MYOZ2: variants seen among roughly 807,000 people sequenced by gnomAD.
MYOZ2 encodes myozenin 2.
MYOZ2 carries 19 observed loss-of-function variants against 25.4 expected under a neutral mutation model. The ratio of observed to expected loss-of-function variants is 0.75; its 90% CI spans 0.52 to 1.10. The LOEUF (loss-of-function observed/expected upper bound fraction) is 1.10, where lower values mean the gene tolerates loss of function less well. MYOZ2 is among the 50% of genes least tolerant of loss of function. The pLI, the probability that MYOZ2 is intolerant of heterozygous loss-of-function variation, is 0.00. For missense variants in MYOZ2, 270 were observed against 317.9 expected (o/e 0.85, Z 1.15); for synonymous variants, 92 against 106.9 (o/e 0.86, Z 0.86).
intron 5 of MYOZ2, among the ~76,000 whole-genome samples, chr4:119,179,817 A>T (rs780362273): frequency 5.9e-5 from 9 of 152,254 alleles, no homozygotes; most frequent in Non-Finnish European, 1.3e-4. Flanking sequence ...GTGTTCTCAC[A>T]TGATGGATGC....
At chr4:119,154,865 A>G (rs923301317) in intron 3 of MYOZ2, among the ~76,000 whole-genome samples, 1 of 131,784 alleles carries the variant, frequency 7.6e-6, no homozygotes, top group African/African-American at 3.2e-5. Context: ...TTACACACAC[A>G]CACACGCACA....
chr4:119,160,997 C>T (rs1578736558), intron 4 of MYOZ2, among the ~76,000 whole-genome samples: 1 of 151,990 alleles, frequency 6.6e-6, no homozygotes, highest in South Asian at 2.1e-4. Flanking sequence ...ACTTATTCCT[C>T]CTGTCTAGCT....
At chr4:119,185,471 T>C (rs952057131) in intron 5 of MYOZ2, among the ~76,000 whole-genome samples, 1 of 152,102 alleles carries the variant, frequency 6.6e-6, no homozygotes, top group Non-Finnish European at 1.5e-5. Context: ...CCCGCCACCA[T>C]GCCCGGCTAA....
intron 3 of MYOZ2, 108 bp from the exon 4 acceptor site, chr4:119,157,909 AGCGAC>A: frequency 7.6e-7 from 1 of 1,322,574 alleles, no homozygotes; most frequent in South Asian, 1.2e-5. Context: ...GAAGTAATGA[AGCGAC>A]ATTGCATTTA....
intron 5 of MYOZ2, among the ~76,000 whole-genome samples, chr4:119,182,021 T>C (rs1290770229): frequency 6.6e-6 from 1 of 152,178 alleles, no homozygotes; most frequent in Non-Finnish European, 1.5e-5. Flanking sequence ...ATTTTAGGCT[T>C]CTGACCTAAC....
chr4:119,156,644 A>C (rs556782951), intron 3 of MYOZ2, among the ~76,000 whole-genome samples: 2 of 152,312 alleles, frequency 1.3e-5, no homozygotes, highest in African/African-American at 4.8e-5. Context: ...TTAAAAAGCT[A>C]TTCGTTGAAA....
intron 5 of MYOZ2, among the ~76,000 whole-genome samples, chr4:119,170,987 G>A (rs1741935206): frequency 6.6e-6 from 1 of 152,074 alleles, no homozygotes; most frequent in African/African-American, 2.4e-5. Context: ...TGAAATGATG[G>A]GAGAGAGTGG....
chr4:119,158,295 C>A, intron 4 of MYOZ2, 144 bp downstream of exon 4: 6 of 1,135,582 alleles, frequency 5.3e-6, no homozygotes, highest in Non-Finnish European at 6.2e-6. Context: ...GGCACGGTGG[C>A]TCCCAATCCC....
intron 5 of MYOZ2, among the ~76,000 whole-genome samples, chr4:119,170,760 T>C (rs1363954131): frequency 2.0e-5 from 3 of 152,090 alleles, no homozygotes; most frequent in Non-Finnish European, 2.9e-5. Flanking sequence ...AGAAGCAATA[T>C]TGAAAGAATT....
Position 119,187,188 on chromosome 4 carries a change from A to G in MYOZ2, c.*988A>G, listed in dbSNP as rs1742312490. ...CAATGTAGCACATATCTATCGTAAT[A>G]TATGTAATATATTGACATAAAAGAC... On this transcript the variant is annotated 3_prime_UTR_variant, in exon 6 of 6. Transcript: ENST00000307128. 6.6e-6 allele frequency: 1 copy of G among 152,224 alleles called. No individual in the cohort carries two copies. The allele number at this position is 152,224 out of a possible 1,614,324, so 9.4% of individuals were successfully genotyped here. A position where few individuals can be genotyped will look rare whatever the true frequency, so the allele number is the denominator to read the frequency against.
intron 5 of MYOZ2, among the ~76,000 whole-genome samples, chr4:119,179,077 G>A (rs984641450): frequency 6.6e-6 from 1 of 152,162 alleles, no homozygotes; most frequent in South Asian, 2.1e-4. Flanking sequence ...AAATCAGGTC[G>A]TGTCCCCTTC....
At chr4:119,177,041 A>C (rs1742089439) in intron 5 of MYOZ2, among the ~76,000 whole-genome samples, 1 of 151,498 alleles carries the variant, frequency 6.6e-6, no homozygotes, top group Non-Finnish European at 1.5e-5. Context: ...AGTCTGGGTG[A>C]CAAGAGCGAG....
At chr4:119,147,680 G>T (rs1040854304) in intron 2 of MYOZ2, among the ~76,000 whole-genome samples, 3 of 150,930 alleles carry the variant, frequency 2.0e-5, no homozygotes, top group Admixed American at 6.6e-5. Context: ...GGAGGCGAAG[G>T]TTGCAGTGAG....
intron 2 of MYOZ2, among the ~76,000 whole-genome samples, chr4:119,149,374 T>C (rs1039188808): frequency 3.1e-4 from 47 of 152,248 alleles, no homozygotes; most frequent in African/African-American, 1.1e-3. Context: ...CCACAAGATC[T>C]TAACGTGGGT....
At chr4:119,147,736 T>A (rs1164736743) in intron 2 of MYOZ2, among the ~76,000 whole-genome samples, 1 of 115,378 alleles carries the variant, frequency 8.7e-6, no homozygotes, top group Non-Finnish European at 2.0e-5. Context: ...AGAGTAAGAC[T>A]CTGTCTCAAA....
intron 4 of MYOZ2, among the ~76,000 whole-genome samples, chr4:119,161,099 A>G (rs192309393): frequency 6.6e-6 from 1 of 152,152 alleles, no homozygotes; most frequent in African/African-American, 2.4e-5. Flanking sequence ...TTTCACGCCT[A>G]GGAGATCAAC....
chr4:119,172,649 C>T (rs80102322), intron 5 of MYOZ2, among the ~76,000 whole-genome samples: 4,474 of 152,276 alleles, frequency 0.029, 236 homozygotes, highest in African/African-American at 0.1. Flanking sequence ...TTGCAAGACA[C>T]CTAAACCATA....
intron 3 of MYOZ2, among the ~76,000 whole-genome samples, chr4:119,153,532 G>A (rs4263382): frequency 0.97 from 146,889 of 152,154 alleles, 70,931 homozygotes; most frequent in East Asian, 0.99. Context: ...ACATTAATCT[G>A]ATTTATTGAC....
intron 5 of MYOZ2, among the ~76,000 whole-genome samples, chr4:119,166,034 TGTGC>T (rs1195464171): frequency 2.0e-5 from 3 of 150,024 alleles, no homozygotes; most frequent in African/African-American, 2.5e-5. Flanking sequence ...GCTGTGTGTG[TGTGC>T]GTGTGTGTGT....
Sources: allele counts gnomAD v4.1 joint callset (sites outside exome capture counted in the v4.1 genomes callset), GRCh38; gene constraint gnomAD v4.1.1; transcripts MANE v1.5; gene names NCBI Gene and HGNC (gene_info 2026-07-23, HGNC 2026-07-21).